The following PDE1C variants were observed in gnomAD, a reference collection of about 807,000 sequenced individuals.
The protein encoded by PDE1C is phosphodiesterase 1C.
PDE1C carries 62 observed loss-of-function variants against 93.1 expected under a neutral mutation model. The ratio of observed to expected loss-of-function variants is 0.67; its 90% CI spans 0.54 to 0.82. The LOEUF is 0.82. PDE1C is among the 40% of genes least tolerant of loss of function. PDE1C has a pLI of 0.00. For missense variants in PDE1C, 742 were observed against 884.6 expected, an observed-to-expected ratio of 0.84 and a Z score of 2.04; for synonymous variants, 325 against 310.1, an observed-to-expected ratio of 1.05 and a Z score of -0.50.
At chr7:31,906,049 A>G (rs768712653) in intron 2 of PDE1C, among the ~76,000 whole-genome samples, 2 of 152,170 alleles carry the variant, frequency 1.3e-5, no homozygotes, top group Non-Finnish European at 2.9e-5. Flanking sequence ...CTGTGAGTCA[A>G]TTATACCTCT....
rs1055656771 is a variant in PDE1C at position 31,955,393 on chromosome 7, G to A, written c.129-74533C>T. On this transcript the variant is annotated intron_variant, in intron 2 of 17. Transcript: ENST00000396191. ...CTGGCAGATAGGGAAATAAGGTTAA[G>A]GTTTTACCTTCATTGGTAAAGTTAC... Among the ~76,000 whole-genome samples the A allele has an allele frequency of 2.0e-5, 3 of 152,116 alleles. 1 individual carries two copies. The highest frequency in any genetic ancestry group is 2.0e-4 in the Admixed American group (3 of 15,266).
rs180776526 is a variant in PDE1C at position 32,399,836 on chromosome 7, G to A, written c.310+27986C>T. Among the ~76,000 whole-genome samples, 82 of 151,678 alleles carry A rather than the reference G, an allele frequency of 5.4e-4. 1 individual carries two copies. The South Asian group carries it at 0.011, about 21-fold the overall frequency. ...TAGCCTCAAGCAATCCTCCCATTTC[G>A]GCCTCTCAAAGTGCTAGGATTACAG... On this transcript the variant is annotated intron_variant, in intron 1 of 1. Transcript: ENST00000672256.
At position 31,934,339 on chromosome 7, in the gene PDE1C, G is replaced by A. The variant is rs922875827; in HGVS notation, c.129-53479C>T. 3.3e-5 allele frequency among the ~76,000 whole-genome samples: 5 copies of A among 152,150 alleles called. 1 individual carries two copies. The highest frequency in any genetic ancestry group is 4.1e-4 in the South Asian group (2 of 4,834). On this transcript the variant is annotated intron_variant, in intron 2 of 17. Coordinates refer to ENST00000396191, the MANE Select transcript of PDE1C (RefSeq NM_001191057.4). ...ACTAGAATTCAAACTTTATGACATA[G>A]CTAAGGTTCTTAGCCTTAGTTTATT...
chr7:31,960,016 C>G (rs974799598), intron 2 of PDE1C, among the ~76,000 whole-genome samples: 6 of 138,646 alleles, frequency 4.3e-5, no homozygotes, highest in African/African-American at 1.6e-4. Flanking sequence ...CAAGCGCCCA[C>G]CATCACGCAC....
At chr7:31,873,439 T>G in intron 5 of PDE1C, 31 bp from the exon 6 acceptor site, 1 of 1,385,364 alleles carries the variant, frequency 7.2e-7, no homozygotes, top group Non-Finnish European at 1.0e-6. Context: ...AAAGAACACA[T>G]TAGCCCACAG....
intron 2 of PDE1C, among the ~76,000 whole-genome samples, chr7:31,973,281 G>A (rs551430322): frequency 2.6e-5 from 4 of 152,062 alleles, no homozygotes; most frequent in Non-Finnish European, 5.9e-5. Context: ...AAAGAGTAGA[G>A]CTGAAAACAT....
chr7:32,174,674 C>T (rs960006445), intron 2 of PDE1C, among the ~76,000 whole-genome samples: 2 of 151,972 alleles, frequency 1.3e-5, no homozygotes, highest in African/African-American at 2.4e-5. Flanking sequence ...TAAAATGCTA[C>T]TCATTTAAGA....
chr7:32,369,330 G>T (rs1371804120), intron 1 of PDE1C, among the ~76,000 whole-genome samples: 4 of 152,168 alleles, frequency 2.6e-5, no homozygotes, highest in Admixed American at 2.0e-4. Flanking sequence ...GTAGGCAAAA[G>T]ATTGGAACAG....
intron 2 of PDE1C, among the ~76,000 whole-genome samples, chr7:31,923,671 T>C (rs1563040011): frequency 6.6e-6 from 1 of 152,160 alleles, no homozygotes; most frequent in Non-Finnish European, 1.5e-5. Flanking sequence ...TAGAAGCCTA[T>C]GGGAGCTCAG....
At chr7:32,388,272 T>C (rs1440562605) in intron 1 of PDE1C, among the ~76,000 whole-genome samples, 4 of 152,148 alleles carry the variant, frequency 2.6e-5, no homozygotes, top group Non-Finnish European at 5.9e-5. Flanking sequence ...ATAAAAGAAA[T>C]GATCAGAGGT....
intron 1 of PDE1C, among the ~76,000 whole-genome samples, chr7:32,052,910 C>T (rs1474455860): frequency 6.6e-6 from 1 of 152,022 alleles, no homozygotes; most frequent in African/African-American, 2.4e-5. Context: ...TATGAATTTT[C>T]CAAATTTTCT....
chr7:32,155,430 T>C (rs1801509851), intron 3 of PDE1C, among the ~76,000 whole-genome samples: 1 of 152,204 alleles, frequency 6.6e-6, no homozygotes, highest in Non-Finnish European at 1.5e-5. Context: ...ATTGTCATCA[T>C]ACAAAATGTG....
chr7:31,636,264 C>A, the PDE1C span, among the ~76,000 whole-genome samples: 1 of 152,124 alleles, frequency 6.6e-6, no homozygotes, highest in Non-Finnish European at 1.5e-5. Context: ...CCATATCAAC[C>A]AGACTGGTAT....
At chr7:31,653,062 A>G in the PDE1C span, 1 of 1,076,440 alleles carries the variant, frequency 9.3e-7, no homozygotes, top group Non-Finnish European at 1.3e-6. Flanking sequence ...AACAGTGACT[A>G]AATAGTATAC....
rs541855720 is a variant in PDE1C at position 31,968,598 on chromosome 7, G to T, written c.128+82956C>A. Among the ~76,000 whole-genome samples, 77 of 152,094 alleles carry T rather than the reference G, an allele frequency of 5.1e-4. 1 individual carries two copies. Among genetic ancestry groups the T allele is most frequent in the African/African-American group, 1.7e-3 (71 of 41,492 alleles). On this transcript the variant is annotated intron_variant, in intron 2 of 17. Transcript: ENST00000396191. The stretch of plus-strand genomic sequence containing the variant: ...TACCAATGACTTTCTTCACAGAATT[G>T]GAAAAAACTACTTTAAAGTTCATAT...
At chr7:32,059,513 C>T (rs1429247176) in intron 1 of PDE1C, among the ~76,000 whole-genome samples, 1 of 152,168 alleles carries the variant, frequency 6.6e-6, no homozygotes, top group Non-Finnish European at 1.5e-5. Flanking sequence ...GATCTCCCTC[C>T]GCATCCCCTC....
chr7:31,941,285 ACT>A (rs1289786857), intron 2 of PDE1C: 2 of 159,114 alleles, frequency 1.3e-5, no homozygotes, highest in Admixed American at 1.3e-4. Context: ...GTTCACCAAC[ACT>A]GTCTTCACCC....
the PDE1C span, among the ~76,000 whole-genome samples, chr7:31,715,269 T>C: frequency 6.6e-6 from 1 of 152,236 alleles, no homozygotes; most frequent in Admixed American, 6.5e-5. Flanking sequence ...GAAAAAGTCT[T>C]GCTCTGTCAC....
At chr7:31,756,271 T>C (rs1794463211) in intron 17 of PDE1C, among the ~76,000 whole-genome samples, 1 of 152,188 alleles carries the variant, frequency 6.6e-6, no homozygotes, top group Non-Finnish European at 1.5e-5. Flanking sequence ...TGGCATGTGA[T>C]GAAAATTAAT....
Sources: allele counts gnomAD v4.1 joint callset (sites outside exome capture counted in the v4.1 genomes callset), GRCh38; gene constraint gnomAD v4.1.1; transcripts MANE v1.5; gene names NCBI Gene and HGNC (gene_info 2026-07-23, HGNC 2026-07-21).